PGAP4: variants seen among roughly 807,000 people sequenced by gnomAD.
The protein encoded by PGAP4 is post-GPI attachment to proteins GalNAc transferase 4.
PGAP4 carries 12 observed loss-of-function variants against 28.2 expected under a neutral mutation model. The observed-to-expected ratio is 0.42, with a 90% CI of 0.27 to 0.69. The LOEUF (loss-of-function observed/expected upper bound fraction) is 0.69. Ranked by LOEUF, PGAP4 falls within the 30% of genes least tolerant of loss-of-function variation. The pLI is 0.22. For synonymous variants in PGAP4, 205 were observed against 211.8 expected, an observed-to-expected ratio of 0.97 and a Z score of 0.28; for missense variants, 425 against 513.5, an observed-to-expected ratio of 0.83 and a Z score of 1.67.
chr9:101,503,043 A>T (rs1826816937), intron 2 of PGAP4, among the ~76,000 whole-genome samples: 3 of 152,058 alleles, frequency 2.0e-5, no homozygotes, highest in African/African-American at 4.8e-5. Context: ...TTTGTGATAG[A>T]TTCTAGAGCA....
Position 101,510,506 on chromosome 9 carries a change from T to C in PGAP4, c.-165+20842A>G, listed in dbSNP as rs115104616. ...TTGGATAGCCAGTTGCCATATGTTA[T>C]ACATAGTGGGCTTGGAGAATGTGAC... is the stretch of plus-strand genomic sequence containing the variant. On this transcript the variant is annotated intron_variant, in intron 2 of 3. Transcript: ENST00000374851. 1.3e-3 allele frequency among the ~76,000 whole-genome samples: 202 copies of C among 152,290 alleles called. 1 individual carries two copies. Among genetic ancestry groups the C allele is most frequent in the African/African-American group, 4.3e-3 (180 of 41,552 alleles).
chr9:101,518,279 C>T (rs924586893), intron 2 of PGAP4, among the ~76,000 whole-genome samples: 2 of 151,940 alleles, frequency 1.3e-5, no homozygotes, highest in Non-Finnish European at 2.9e-5. Flanking sequence ...TTATCCAGTC[C>T]ATCGATCTTT....
intron 2 of PGAP4, among the ~76,000 whole-genome samples, chr9:101,523,561 GTTTT>G (rs74477694): frequency 7.9e-6 from 1 of 127,266 alleles, no homozygotes; most frequent in Admixed American, 8.1e-5. Flanking sequence ...ATTTTTCATT[GTTTT>G]TTTTTCTTTA....
At position 101,522,984 on chromosome 9, in the gene PGAP4, T is replaced by A. The variant is rs139440730; in HGVS notation, c.-165+8364A>T. Reference sequence around the variant, plus strand: ...GACTGTATCTTTCCTTCCTATATGATGCTTAGCTTCACTCGACACAAAATT... The same window carrying A: ...GACTGTATCTTTCCTTCCTATATGAAGCTTAGCTTCACTCGACACAAAATT... On this transcript the variant is annotated intron_variant, in intron 2 of 3. Coordinates refer to the PGAP4 transcript ENST00000374851. Among the ~76,000 whole-genome samples the A allele has an allele frequency of 9.0e-3, 1,372 of 152,316 alleles. 10 individuals are homozygous for A. The highest frequency in any genetic ancestry group is 0.014 in the Non-Finnish European group (979 of 68,016).
chr9:101,489,012 C>T (rs1312866966), upstream of PGAP4: 1 of 152,152 alleles, frequency 6.6e-6, no homozygotes, highest in Admixed American at 6.5e-5. Context: ...TAAGATCAAA[C>T]ACTTCCCTAG....
chr9:101,476,714 G>T lies in PGAP4; in HGVS notation c.379C>A (p.Arg127=). The change falls in exon 2 of 2, where the codon CGG becomes AGG. Residue 127 remains arginine (R), a synonymous_variant. Coordinates refer to ENST00000374848, the MANE Select transcript of PGAP4 (RefSeq NM_032342.3). The surrounding 1 kb of genome is among the most constrained non-coding windows in gnomAD (Gnocchi z 7.0). ...YVLQVVSQFH[R]LLQQCGPQCE... is the part of the protein sequence containing the mutation. Reference sequence around the variant, plus strand: ...TGGGGGCCACATTGCTGAAGAAGCCGGTGGAACTGGGACACAACCTGCAGG... The same window carrying T: ...TGGGGGCCACATTGCTGAAGAAGCCTGTGGAACTGGGACACAACCTGCAGG... 6.2e-7 allele frequency: 1 copy of T among 1,614,112 alleles called. No individual in the cohort carries two copies. Among genetic ancestry groups the T allele is most frequent in the East Asian group, 2.2e-5 (1 of 44,866 alleles).
At chr9:101,501,758 C>T (rs975853410) in intron 2 of PGAP4, 1 of 518,690 alleles carries the variant, frequency 1.9e-6, no homozygotes, top group Non-Finnish European at 3.8e-6. Context: ...CTTTCTGTCC[C>T]AACTAACATC....
At chr9:101,493,832 T>A (rs1280219120) in intron 2 of PGAP4, among the ~76,000 whole-genome samples, 4 of 152,102 alleles carry the variant, frequency 2.6e-5, no homozygotes, top group Admixed American at 2.6e-4. Flanking sequence ...TATAGAGCTT[T>A]AGGAATAAGG....
At chr9:101,481,662 A>G (rs1452376896) in intron 1 of PGAP4, among the ~76,000 whole-genome samples, 1 of 152,192 alleles carries the variant, frequency 6.6e-6, no homozygotes, top group Non-Finnish European at 1.5e-5. Flanking sequence ...TGGAGCTACA[A>G]CAATAGTTAT....
intron 2 of PGAP4, among the ~76,000 whole-genome samples, chr9:101,510,399 GA>G (rs1826886878): frequency 6.6e-6 from 1 of 150,490 alleles, no homozygotes; most frequent in Admixed American, 6.6e-5. Flanking sequence ...TTTTTCTTTT[GA>G]AAAACTGCAG....
chr9:101,518,374 C>T (rs1826958710), intron 2 of PGAP4, among the ~76,000 whole-genome samples: 1 of 151,990 alleles, frequency 6.6e-6, no homozygotes, highest in Admixed American at 6.6e-5. Flanking sequence ...TTGGTGTTCC[C>T]ATCACCCGAG....
At position 101,482,020 on chromosome 9, in the gene PGAP4, C is replaced by A. The variant is rs371941224; in HGVS notation, c.-77-4851G>T. On this transcript the variant is annotated intron_variant, in intron 1 of 1. Transcript: ENST00000374848. The stretch of plus-strand genomic sequence containing the variant: ...AACAGGCTCCTAACAGAGCTTCTGA[C>A]CTCCAGAATGAGCAACACAAGCCAA... Among the ~76,000 whole-genome samples the A allele has an allele frequency of 1.6e-3, 248 of 152,278 alleles. 1 individual carries two copies. The highest frequency in any genetic ancestry group is 5.6e-3 in the African/African-American group (231 of 41,558).
chr9:101,519,119 G>T (rs1241036608), intron 2 of PGAP4, among the ~76,000 whole-genome samples: 1 of 151,948 alleles, frequency 6.6e-6, no homozygotes, highest in African/African-American at 2.4e-5. Flanking sequence ...CTTCTTTTGA[G>T]AATTGCCTAT....
chr9:101,505,624 G>C (rs1564099704), intron 2 of PGAP4, among the ~76,000 whole-genome samples: 1 of 152,054 alleles, frequency 6.6e-6, no homozygotes, highest in African/African-American at 2.4e-5. Flanking sequence ...GAATTCAGGA[G>C]ATAGTCCTCG....
intron 2 of PGAP4, among the ~76,000 whole-genome samples, chr9:101,513,693 G>A (rs1229726911): frequency 6.8e-6 from 1 of 146,612 alleles, no homozygotes; most frequent in Non-Finnish European, 1.5e-5. Context: ...TAGGTAGATA[G>A]ATAGACAGAT....
At chr9:101,477,770 A>G (rs2118504701) in intron 1 of PGAP4, among the ~76,000 whole-genome samples, 1 of 152,308 alleles carries the variant, frequency 6.6e-6, no homozygotes, top group Non-Finnish European at 1.5e-5. Context: ...TATTAATTTA[A>G]TCCTGATTGT....
At position 101,477,181 on chromosome 9, in the gene PGAP4, G is replaced by C. The variant is rs1471062402; in HGVS notation, c.-77-12C>G. ...ATCAGAAATCAAACCTAAAGAGAGA[G>C]GAAGTAGGGAATGGTAAGAGTAACT... On this transcript the variant is annotated splice_polypyrimidine_tract_variant and intron_variant, in intron 1 of 1. Transcript: ENST00000374848. 1 of 1,452,294 alleles carries C rather than the reference G, an allele frequency of 6.9e-7. No homozygotes were observed. The highest frequency in any genetic ancestry group is 9.1e-7 in the Non-Finnish European group (1 of 1,103,762). 90.0% of individuals were successfully genotyped at this position (1,452,294 alleles called of 1,614,324 possible).
At chr9:101,528,625 C>T (rs1827056876) in intron 2 of PGAP4, among the ~76,000 whole-genome samples, 1 of 152,022 alleles carries the variant, frequency 6.6e-6, no homozygotes, top group Non-Finnish European at 1.5e-5. Flanking sequence ...GAAGAGTAGA[C>T]CTACCCAGTG....
intron 2 of PGAP4, among the ~76,000 whole-genome samples, chr9:101,527,442 C>T (rs1157772942): frequency 6.6e-6 from 1 of 152,130 alleles, no homozygotes; most frequent in Non-Finnish European, 1.5e-5. Context: ...CATGTTTAAA[C>T]TGATATACTA....
Sources: gnomAD v4.1 joint callset for allele counts (sites outside exome capture counted in the v4.1 genomes callset) on GRCh38, gnomAD v4.1.1 for gene constraint, Gnocchi (gnomAD v3.1) non-coding constraint, MANE v1.5 for transcripts, NCBI Gene and HGNC (gene_info 2026-07-23, HGNC 2026-07-21) for gene names.